Variants in ACP6 observed in about 807,000 individuals in gnomAD.
ACP6 encodes the protein lysophosphatidic acid phosphatase type 6.
A neutral mutation model predicts 48.1 loss-of-function variants in ACP6; 48 were observed. The ratio of observed to expected loss-of-function variants is 1.00; its 90% CI spans 0.79 to 1.27. The LOEUF is 1.27. Ranked by LOEUF, ACP6 falls within the 50% of genes most tolerant of loss-of-function variation. ACP6 has a pLI of 0.00. For missense variants in ACP6, 485 were observed against 529.1 expected (o/e 0.92, Z 0.82); for synonymous variants, 172 against 204.2 (o/e 0.84, Z 1.34).
chr1:147,666,964 G>C (rs1660829032), intron 1 of ACP6, among the ~76,000 whole-genome samples: 1 of 152,156 alleles, frequency 6.6e-6, no homozygotes, highest in Non-Finnish European at 1.5e-5. Flanking sequence ...GCTGGGGTAG[G>C]TTGGACTTTA....
chr1:147,666,965 T>C (rs1054640572), intron 1 of ACP6, among the ~76,000 whole-genome samples: 1 of 152,124 alleles, frequency 6.6e-6, no homozygotes, highest in African/African-American at 2.4e-5. Flanking sequence ...CTGGGGTAGG[T>C]TGGACTTTAT....
chr1:147,647,093 A>G lies in ACP6; in HGVS notation c.*330T>C, dbSNP rs1659655702. On this transcript the variant is annotated 3_prime_UTR_variant, in exon 10 of 10. Coordinates refer to ENST00000583509, the MANE Select transcript of ACP6 (RefSeq NM_016361.5). ...TGATCACTACTTAGTAGGTAGCTCA[A>G]TACATGTGAAATTAATATAGGAGAA... 1 of 274,810 alleles carries G rather than the reference A, an allele frequency of 3.6e-6. No homozygotes were observed. The highest frequency in any genetic ancestry group is 7.1e-6 in the Non-Finnish European group (1 of 141,102). 17.0% of individuals were successfully genotyped at this position (274,810 alleles called of 1,614,324 possible). A position where few individuals can be genotyped will look rare whatever the true frequency, so the allele number is the denominator to read the frequency against.
At chr1:147,664,147 A>G (rs781972628) in intron 1 of ACP6, among the ~76,000 whole-genome samples, 3 of 152,068 alleles carry the variant, frequency 2.0e-5, no homozygotes, top group Non-Finnish European at 4.4e-5. Context: ...CCTCCTTCTG[A>G]CACATCAGAG....
intron 5 of ACP6, among the ~76,000 whole-genome samples, chr1:147,635,177 A>C (rs782495295): frequency 1.7e-4 from 26 of 152,166 alleles, no homozygotes; most frequent in Non-Finnish European, 3.7e-4. Flanking sequence ...GAGTATCTTC[A>C]TTTCTCATAG....
intron 1 of ACP6, among the ~76,000 whole-genome samples, chr1:147,660,547 G>A (rs1272404478): frequency 1.3e-5 from 2 of 152,138 alleles, no homozygotes; most frequent in East Asian, 1.9e-4. Context: ...TTGGCTCCCT[G>A]TGGATCCACT....
chr1:147,640,993 A>T (rs935406920), downstream of ACP6, among the ~76,000 whole-genome samples: 1 of 152,060 alleles, frequency 6.6e-6, no homozygotes, highest in Non-Finnish European at 1.5e-5. Context: ...CCAGCAGAAG[A>T]GACTCATCGC....
chr1:147,632,731 T>G (rs1553207536), intron 5 of ACP6, among the ~76,000 whole-genome samples: 1 of 152,046 alleles, frequency 6.6e-6, no homozygotes. Context: ...ACTTACATGC[T>G]AAGTGTTTTA....
At chr1:147,658,307 A>C (rs1452657658) in intron 4 of ACP6, among the ~76,000 whole-genome samples, 1 of 152,240 alleles carries the variant, frequency 6.6e-6, no homozygotes. Flanking sequence ...CCTTTTTAAT[A>C]AGGTCATGAT....
At chr1:147,659,153 G>A (rs2148911717) in intron 3 of ACP6, 114 bp from the exon 4 acceptor site, 1 of 1,127,008 alleles carries the variant, frequency 8.9e-7, no homozygotes, top group East Asian at 2.6e-5. Flanking sequence ...GGAGAGCTAT[G>A]GAACTAGGAA....
At position 147,637,167 on chromosome 1, in the gene ACP6, ACT is replaced by A. The variant is rs149074305; in HGVS notation, c.461-6104_461-6103del. 7.8e-3 allele frequency among the ~76,000 whole-genome samples: 1,191 copies of A among 152,276 alleles called. 16 individuals are homozygous for A. Among genetic ancestry groups the A allele is most frequent in the African/African-American group, 0.027 (1,122 of 41,560 alleles). On this transcript the variant is annotated intron_variant, in intron 5 of 5. Transcript: ENST00000609196. ...CACATGAAAAGCAAAATGAGGCCTG[ACT>A]CTGACTCAAACTGTTCACAGAGAAT...
rs782245916 is a variant in ACP6 at position 147,655,161 on chromosome 1, C to G, written c.647G>C (p.Arg216Thr). ...TGAGCAAGAACCCAGGGGCAGTTACCTGGTTCTCTGCCTCAGGCTCCAGCA... is the reference window on the plus strand; with the variant it reads ...TGAGCAAGAACCCAGGGGCAGTTACGTGGTTCTCTGCCTCAGGCTCCAGCA... ...QSCWSLRQRTRGRRQTASLQP... is the reference protein window; with the variant it reads ...QSCWSLRQRTTGRRQTASLQP... The change falls in exon 5 of 10, where the codon AGA (arginine) becomes ACA (threonine). Residue 216 changes from arginine to threonine, a missense_variant and splice_region_variant. Physicochemically the swap from Arg to Thr is moderately conservative, Grantham distance 71. Coordinates refer to ENST00000583509, the MANE Select transcript of ACP6 (RefSeq NM_016361.5). The G allele has an allele frequency of 6.2e-7, 1 of 1,601,550 alleles. No individual in the cohort carries two copies. Among genetic ancestry groups the G allele is most frequent in the Non-Finnish European group, 8.5e-7 (1 of 1,173,272 alleles).
chr1:147,658,888 G>A, intron 4 of ACP6, 72 bp downstream of exon 4: 1 of 1,414,308 alleles, frequency 7.1e-7, no homozygotes, highest in Admixed American at 2.2e-5. Context: ...CACCAAGAAA[G>A]AGATAGGGGC....
chr1:147,664,264 A>G (rs1168318854), intron 1 of ACP6, among the ~76,000 whole-genome samples: 2 of 152,134 alleles, frequency 1.3e-5, no homozygotes, highest in Non-Finnish European at 2.9e-5. Context: ...TCGAGGGTTC[A>G]TGGCTCATGT....
chr1:147,632,041 C>T (rs1332865757), intron 5 of ACP6, among the ~76,000 whole-genome samples: 1 of 152,108 alleles, frequency 6.6e-6, no homozygotes, highest in East Asian at 1.9e-4. Context: ...CTTCTTGCCA[C>T]AGGACCTTAC....
chr1:147,637,763 C>A (rs75169398), downstream of ACP6, among the ~76,000 whole-genome samples: 1,817 of 152,284 alleles, frequency 0.012, 49 homozygotes, highest in African/African-American at 0.041. Context: ...CCATTAAGTT[C>A]CATCTTAAAA....
downstream of ACP6, among the ~76,000 whole-genome samples, chr1:147,637,323 A>G (rs11587616): frequency 0.28 from 42,971 of 152,118 alleles, 7,888 homozygotes; most frequent in Non-Finnish European, 0.41. Flanking sequence ...AGGTAGCCCA[A>G]TTCATCCATG....
Position 147,654,360 on chromosome 1 carries a change from T to C in ACP6, c.648-34A>G, listed in dbSNP as rs150452101. 1.4e-3 allele frequency: 2,218 copies of C among 1,608,370 alleles called. 15 individuals carry two copies. In the African/African-American group the frequency reaches 0.025, roughly 18 times the overall value. ...AAATAAAAAGTAAAGCCTTATATTC[T>C]ATAGTGATTAACAGTTTACAAAGTG... On this transcript the variant is annotated intron_variant, in intron 5 of 9. Transcript: ENST00000583509.
In ACP6 at chr1:147,670,117, G is replaced by C; in HGVS notation, c.-69C>G. 7.3e-7 allele frequency: 1 copy of C among 1,378,090 alleles called. No individual in the cohort carries two copies. Among genetic ancestry groups the C allele is most frequent in the Non-Finnish European group, 9.5e-7 (1 of 1,048,374 alleles). 85.4% of individuals were successfully genotyped at this position (1,378,090 alleles called of 1,614,324 possible). On this transcript the variant is annotated 5_prime_UTR_variant, in exon 1 of 10. Transcript: ENST00000583509. ...CAAACACAAGTCTTCTGCGGGCGCC[G>C]GGGCTCAGCGGGCGCCCCCAAGTCC... is the stretch of plus-strand genomic sequence containing the variant.
chr1:147,659,143 G>A, intron 3 of ACP6, 104 bp from the exon 4 acceptor site: 1 of 1,147,636 alleles, frequency 8.7e-7, no homozygotes, highest in East Asian at 2.6e-5. Context: ...GAGTACATAA[G>A]GAGAGCTATG....
Sources: allele counts gnomAD v4.1 joint callset (sites outside exome capture counted in the v4.1 genomes callset), GRCh38; gene constraint gnomAD v4.1.1; transcripts MANE v1.5; gene names NCBI Gene and HGNC (gene_info 2026-07-23, HGNC 2026-07-21).